UBE2E2: variants seen among roughly 807,000 people sequenced by gnomAD.
UBE2E2 encodes ubiquitin-conjugating enzyme E2 E2.
Under a neutral mutation model 24.7 loss-of-function variants are expected in UBE2E2, and 6 were observed. The ratio of observed to expected loss-of-function variants is 0.24; its 90% CI spans 0.13 to 0.48. The LOEUF (loss-of-function observed/expected upper bound fraction) is 0.48. UBE2E2 is among the 20% of genes least tolerant of loss of function. The probability of loss-of-function intolerance (pLI) is 0.99; values close to 1 mark genes in which losing one functional copy is unlikely to be tolerated. For synonymous variants in UBE2E2, 104 were observed against 83.6 expected (o/e 1.24, Z -1.33); for missense variants, 169 against 245.0 (o/e 0.69, Z 2.07).
intron 5 of UBE2E2, among the ~76,000 whole-genome samples, chr3:23,578,434 A>T (rs1267627149): frequency 6.6e-6 from 1 of 152,226 alleles, no homozygotes; most frequent in East Asian, 1.9e-4. Context: ...CTGGGTGTAT[A>T]CCCAAAGGAA....
intron 3 of UBE2E2, among the ~76,000 whole-genome samples, chr3:23,430,840 G>C (rs1049598038): frequency 5.3e-5 from 8 of 152,068 alleles, no homozygotes; most frequent in African/African-American, 1.9e-4. Flanking sequence ...CATTTTTTAG[G>C]CAATAGTTGA....
At chr3:23,349,965 G>A (rs1268714112) in intron 3 of UBE2E2, among the ~76,000 whole-genome samples, 1 of 152,238 alleles carries the variant, frequency 6.6e-6, no homozygotes, top group African/African-American at 2.4e-5. Flanking sequence ...CCCCCGAGCA[G>A]CCTAACTGGG....
intron 3 of UBE2E2, among the ~76,000 whole-genome samples, chr3:23,292,739 G>A (rs1045747774): frequency 1.3e-5 from 2 of 152,146 alleles, no homozygotes; most frequent in African/African-American, 2.4e-5. Flanking sequence ...CTTTTACAAG[G>A]TTATGTAACC....
At chr3:23,362,084 A>G (rs1003709047) in intron 3 of UBE2E2, among the ~76,000 whole-genome samples, 1 of 152,238 alleles carries the variant, frequency 6.6e-6, no homozygotes, top group Admixed American at 6.5e-5. Flanking sequence ...GTGAACTAGT[A>G]GCACCTAATG....
chr3:23,388,655 C>T (rs1327216454), intron 3 of UBE2E2, among the ~76,000 whole-genome samples: 1 of 152,078 alleles, frequency 6.6e-6, no homozygotes, highest in African/African-American at 2.4e-5. Flanking sequence ...CATCAGCTTC[C>T]ATTCCATTTA....
intron 3 of UBE2E2, among the ~76,000 whole-genome samples, chr3:23,489,286 A>T (rs1335557238): frequency 6.6e-6 from 1 of 152,096 alleles, no homozygotes; most frequent in Non-Finnish European, 1.5e-5. Flanking sequence ...CATCATGTAG[A>T]ATCAGTGGGA....
At chr3:23,205,913 T>C (rs1696132455) in intron 1 of UBE2E2, among the ~76,000 whole-genome samples, 1 of 152,196 alleles carries the variant, frequency 6.6e-6, no homozygotes, top group Non-Finnish European at 1.5e-5. Flanking sequence ...TGGCATTCGA[T>C]AGTATGTAAA....
chr3:23,251,900 A>G (rs1348145304), intron 3 of UBE2E2, among the ~76,000 whole-genome samples: 4 of 152,256 alleles, frequency 2.6e-5, no homozygotes, highest in Non-Finnish European at 2.9e-5. Flanking sequence ...AAATAAAGCC[A>G]GTGCTGCTAA....
chr3:23,377,079 TTTCTC>T (rs1244991909), intron 3 of UBE2E2, among the ~76,000 whole-genome samples: 3 of 152,174 alleles, frequency 2.0e-5, no homozygotes, highest in Non-Finnish European at 2.9e-5. Flanking sequence ...TAGTCATACT[TTTCTC>T]TAATTACTAT....
At chr3:23,230,269 A>C (rs759798684) in intron 3 of UBE2E2, among the ~76,000 whole-genome samples, 1 of 152,232 alleles carries the variant, frequency 6.6e-6, no homozygotes, top group Non-Finnish European at 1.5e-5. Flanking sequence ...CTGAAACTGG[A>C]AAGTTTATGG....
Position 23,318,249 on chromosome 3 carries a change from C to T in UBE2E2, c.227+100937C>T, listed in dbSNP as rs367655493. On this transcript the variant is annotated intron_variant, in intron 3 of 5. Coordinates refer to ENST00000396703, the MANE Select transcript of UBE2E2 (RefSeq NM_152653.4). ...GTGTGATCACAGCTTACTGCAGCCT[C>T]AGCCTCCCAGGCTCAAGTGATTCTT... 3.5e-4 allele frequency among the ~76,000 whole-genome samples: 53 copies of T among 152,282 alleles called. 2 individuals are homozygous for T. In the South Asian group the frequency reaches 0.011, roughly 31 times the overall value.
At chr3:23,227,785 A>G (rs995151672) in intron 3 of UBE2E2, among the ~76,000 whole-genome samples, 36 of 152,194 alleles carry the variant, frequency 2.4e-4, no homozygotes, top group African/African-American at 8.4e-4. Context: ...TGTGAGAGGG[A>G]GTGAGGGAGC....
At chr3:23,349,237 T>C (rs1431504765) in intron 3 of UBE2E2, among the ~76,000 whole-genome samples, 1 of 151,970 alleles carries the variant, frequency 6.6e-6, no homozygotes, top group Admixed American at 6.5e-5. Flanking sequence ...AAAGAAGTCA[T>C]GCTTCAGGGA....
In UBE2E2 at chr3:23,389,888, G is replaced by C. The variant is rs144739264; in HGVS notation, c.228-109720G>C. 6 of 158,752 alleles carry C rather than the reference G, an allele frequency of 3.8e-5. No homozygotes were observed. In the East Asian group the frequency reaches 1.0e-3, roughly 27 times the overall value. The allele number at this position is 158,752 out of a possible 1,614,324, so 9.8% of individuals were successfully genotyped here. The stretch of plus-strand genomic sequence containing the variant: ...GCAGTTCCCAGTTCAACACCTGCAG[G>C]TGCCTGAACAGCTGCTTCTTCGATT... On this transcript the variant is annotated intron_variant, in intron 3 of 5. Coordinates refer to ENST00000396703, the MANE Select transcript of UBE2E2 (RefSeq NM_152653.4).
chr3:23,262,870 T>C (rs888960112), intron 3 of UBE2E2, among the ~76,000 whole-genome samples: 9 of 152,190 alleles, frequency 5.9e-5, no homozygotes, highest in Non-Finnish European at 4.4e-5. Context: ...ATATGTTTTC[T>C]TCTAGGAGTT....
At chr3:23,268,782 A>C (rs914526452) in intron 3 of UBE2E2, among the ~76,000 whole-genome samples, 1 of 149,250 alleles carries the variant, frequency 6.7e-6, no homozygotes. Context: ...TGGAGGCATC[A>C]CGCTACCTGA....
chr3:23,397,656 C>CT (rs1228761989), intron 3 of UBE2E2, among the ~76,000 whole-genome samples: 2 of 152,128 alleles, frequency 1.3e-5, no homozygotes, highest in African/African-American at 4.8e-5. Context: ...TGTCTGGCTT[C>CT]TTTGTTGGAC....
chr3:23,238,899 C>G (rs1251021071), intron 3 of UBE2E2, among the ~76,000 whole-genome samples: 4 of 152,064 alleles, frequency 2.6e-5, no homozygotes, highest in Admixed American at 2.6e-4. Flanking sequence ...GATTTTGGAG[C>G]ATTTCAGATT....
chr3:23,282,856 C>G (rs772925877), intron 3 of UBE2E2, among the ~76,000 whole-genome samples: 1 of 151,190 alleles, frequency 6.6e-6, no homozygotes, highest in Non-Finnish European at 1.5e-5. Context: ...TGGTAATGAA[C>G]TAGGTTAATT....
Sources: allele counts gnomAD v4.1 joint callset (sites outside exome capture counted in the v4.1 genomes callset), GRCh38; gene constraint gnomAD v4.1.1; transcripts MANE v1.5; gene names NCBI Gene and HGNC (gene_info 2026-07-23, HGNC 2026-07-21).